PITPNM3: variants seen among roughly 807,000 people sequenced by gnomAD.
The protein encoded by PITPNM3 is PITPNM family member 3.
In PITPNM3, 26 loss-of-function variants were observed where a neutral mutation model predicts 102.0. The observed-to-expected ratio is 0.25, with a 90% CI of 0.19 to 0.35. The LOEUF (loss-of-function observed/expected upper bound fraction) is 0.35, where lower values mean the gene tolerates loss of function less well. PITPNM3 is among the 10% of genes least tolerant of loss of function. PITPNM3 has a pLI of 1.00. For synonymous variants in PITPNM3, 578 were observed against 558.6 expected, an observed-to-expected ratio of 1.03 and a Z score of -0.49; for missense variants, 1,083 against 1,346.1, an observed-to-expected ratio of 0.80 and a Z score of 3.06.
rs56855120 is a variant in PITPNM3, at chr17:6,482,040, GTCTCTCTC to G, written c.587+1469_587+1476del. Reference sequence around the variant, plus strand: ...TCTCTCTCTCTCTCTCTCTCTGTCTGTCTCTCTCTCTCTCTCTCTCTCTCTGTCTCTCT... The same window carrying G: ...TCTCTCTCTCTCTCTCTCTCTGTCTGTCTCTCTCTCTCTCTCTGTCTCTCT... On this transcript the variant is annotated intron_variant, in intron 6 of 19. Coordinates refer to ENST00000262483, the MANE Select transcript of PITPNM3 (RefSeq NM_031220.4). Among the ~76,000 whole-genome samples the G allele has an allele frequency of 4.0e-3, 219 of 55,160 alleles. 4 individuals are homozygous for G. In the East Asian group the frequency reaches 0.062, roughly 16 times the overall value. 36.2% of individuals were successfully genotyped at this position (55,160 alleles called of 152,430 possible). A position where few individuals can be genotyped will look rare whatever the true frequency, so the allele number is the denominator to read the frequency against.
rs1910621461 is a variant in PITPNM3 at position 6,556,471 on chromosome 17, C to A, written c.-65G>T. 4 of 1,093,168 alleles carry A rather than the reference C, an allele frequency of 3.7e-6. No homozygotes were observed. The highest frequency in any genetic ancestry group is 4.4e-6 in the Non-Finnish European group (4 of 899,138). The allele number at this position is 1,093,168 out of a possible 1,614,324, so 67.7% of individuals were successfully genotyped here. ...TCGCGCTTCCCGGGCCCGGCCCCGACCGCCTCCGGCCCCGAACGGACTCCG... is the reference window on the plus strand; with the variant it reads ...TCGCGCTTCCCGGGCCCGGCCCCGAACGCCTCCGGCCCCGAACGGACTCCG... On this transcript the variant is annotated 5_prime_UTR_variant, in exon 1 of 20. Coordinates refer to ENST00000262483, the MANE Select transcript of PITPNM3 (RefSeq NM_031220.4). The surrounding 1 kb of genome is among the most constrained non-coding windows in gnomAD (Gnocchi z 5.2).
Position 6,452,606 on chromosome 17 carries a change from G to A in PITPNM3, c.*2732C>T, listed in dbSNP as rs929747878. ...AGACAAAACTGAGCAAACCGCTAGTGTAGAAAGAGCATATGCATTACACAG... is the reference window on the plus strand; with the variant it reads ...AGACAAAACTGAGCAAACCGCTAGTATAGAAAGAGCATATGCATTACACAG... On this transcript the variant is annotated 3_prime_UTR_variant, in exon 20 of 20. Transcript: ENST00000262483. The A allele has an allele frequency of 6.6e-5, 10 of 152,220 alleles. No homozygotes were observed. Among genetic ancestry groups the A allele is most frequent in the African/African-American group, 2.2e-4 (9 of 41,430 alleles). 9.4% of individuals were successfully genotyped at this position (152,220 alleles called of 1,614,324 possible).
intron 2 of PITPNM3, among the ~76,000 whole-genome samples, chr17:6,533,855 C>T (rs1909271405): frequency 6.6e-6 from 1 of 152,314 alleles, no homozygotes; most frequent in Non-Finnish European, 1.5e-5. Context: ...GACTCGCTTG[C>T]TCCTGTATCC....
At chr17:6,462,550 G>C (rs1597361024) in intron 17 of PITPNM3, among the ~76,000 whole-genome samples, 1 of 152,180 alleles carries the variant, frequency 6.6e-6, no homozygotes, top group Non-Finnish European at 1.5e-5. Flanking sequence ...AGCCTTCCCT[G>C]CTTCCCAAGC....
At chr17:6,473,395 C>A in intron 10 of PITPNM3, among the ~76,000 whole-genome samples, 1 of 152,126 alleles carries the variant, frequency 6.6e-6, no homozygotes. Flanking sequence ...AGGGACTGGA[C>A]CGTCCAGCAT....
chr17:6,464,907 T>A lies in PITPNM3; in HGVS notation c.1891-136A>T, dbSNP rs1597363085. 1.9e-5 allele frequency: 16 copies of A among 860,650 alleles called. 1 individual carries two copies. The South Asian group carries it at 2.2e-4, about 12-fold the overall frequency. 53.3% of individuals were successfully genotyped at this position (860,650 alleles called of 1,614,324 possible). The stretch of plus-strand genomic sequence containing the variant: ...GTCTCTCTACTAACTTCTGCTAGAG[T>A]TTCAGAGATGTGTTCCCAGGGAACG... On this transcript the variant is annotated intron_variant, in intron 14 of 19. Coordinates refer to ENST00000262483, the MANE Select transcript of PITPNM3 (RefSeq NM_031220.4).
At chr17:6,462,636 G>C (rs1209923441) in intron 17 of PITPNM3, among the ~76,000 whole-genome samples, 2 of 152,170 alleles carry the variant, frequency 1.3e-5, no homozygotes, top group African/African-American at 4.8e-5. Context: ...ACAGAATCCT[G>C]GCTGCAAGAT....
Position 6,524,250 on chromosome 17 carries a change from G to A in PITPNM3, c.226+1106C>T, listed in dbSNP as rs1908699673. On this transcript the variant is annotated intron_variant, in intron 3 of 19. Coordinates refer to ENST00000262483, the MANE Select transcript of PITPNM3 (RefSeq NM_031220.4). The stretch of plus-strand genomic sequence containing the variant: ...ATGGCCTTGCCCACTCGGCAACTCT[G>A]GGCCAGAGCACGACTGCGAATGACA... 2.0e-5 allele frequency among the ~76,000 whole-genome samples: 3 copies of A among 152,198 alleles called. No homozygotes were observed. In the South Asian group the frequency reaches 6.2e-4, roughly 32 times the overall value.
rs1567693921 is a variant in PITPNM3, at chr17:6,538,082, C to T, written c.23G>A (p.Gly8Asp). 1.2e-6 allele frequency: 2 copies of T among 1,605,548 alleles called. No homozygotes were observed. Among genetic ancestry groups the T allele is most frequent in the Non-Finnish European group, 1.7e-6 (2 of 1,172,406 alleles). MAKAGRA[G>D]GPPPGGGAPW... ...GGCACCGCCGCCCGGGGGAGGACCA[C>T]CTGTTAAAGGGAACACATCTGTTAA... Residue 8 changes from glycine (G) to aspartate (D), a missense_variant and splice_region_variant, in exon 2 of 20, where the codon GGT (glycine) becomes GAT (aspartate). Coordinates refer to ENST00000262483, the MANE Select transcript of PITPNM3 (RefSeq NM_031220.4).
chr17:6,546,070 G>T lies in PITPNM3; in HGVS notation c.23-7988C>A, dbSNP rs572850783. On this transcript the variant is annotated intron_variant, in intron 1 of 19. Coordinates refer to ENST00000262483, the MANE Select transcript of PITPNM3 (RefSeq NM_031220.4). ...GACCAGACCAGTCCAGGGCCAGCCA[G>T]CCTATCCTCAGCCTTGAAGGGGGGC... 7.9e-5 allele frequency among the ~76,000 whole-genome samples: 12 copies of T among 152,372 alleles called. No homozygotes were observed. In the South Asian group the frequency reaches 1.4e-3, roughly 18 times the overall value.
rs1362645166 is a variant in PITPNM3 at position 6,488,630 on chromosome 17, G to A, written c.275-4338C>T. Among the ~76,000 whole-genome samples, 6 of 152,136 alleles carry A rather than the reference G, an allele frequency of 3.9e-5. No individual in the cohort carries two copies. In the South Asian group the frequency reaches 8.3e-4, roughly 21 times the overall value. On this transcript the variant is annotated intron_variant, in intron 4 of 19. Coordinates refer to ENST00000262483, the MANE Select transcript of PITPNM3 (RefSeq NM_031220.4). ...GGAAGCATCATCCACTGAGAAGCAC[G>A]TTGCTTCAAAGTACTCACAGGAACT... is the stretch of plus-strand genomic sequence containing the variant.
intron 1 of PITPNM3, among the ~76,000 whole-genome samples, chr17:6,547,276 C>T (rs1910076042): frequency 6.6e-6 from 1 of 152,160 alleles, no homozygotes; most frequent in African/African-American, 2.4e-5. Context: ...TTTTGAAGAC[C>T]TGCTGGTATG....
In PITPNM3 at chr17:6,472,600, A is replaced by G; in HGVS notation, c.1429+57T>C. 1 of 1,571,488 alleles carries G rather than the reference A, an allele frequency of 6.4e-7. No homozygotes were observed. The highest frequency in any genetic ancestry group is 8.6e-7 in the Non-Finnish European group (1 of 1,157,632). The stretch of plus-strand genomic sequence containing the variant: ...CTCACTGAGAGCTTGGAGGGGTTGA[A>G]TGGGCTGGGGCCCCACCTCCAGCTC... On this transcript the variant is annotated intron_variant, in intron 11 of 19. Transcript: ENST00000262483. This position sits in a 1 kb window ranked among gnomAD's most constrained non-coding sequence, Gnocchi z 4.1.
chr17:6,497,509 G>T (rs1456126976), intron 4 of PITPNM3, among the ~76,000 whole-genome samples: 2 of 152,214 alleles, frequency 1.3e-5, no homozygotes, highest in African/African-American at 4.8e-5. Flanking sequence ...AGTAGAGGAT[G>T]AAGATAAAGG....
chr17:6,511,734 A>G (rs1201831458), intron 3 of PITPNM3, among the ~76,000 whole-genome samples: 1 of 152,152 alleles, frequency 6.6e-6, no homozygotes, highest in East Asian at 1.9e-4. Flanking sequence ...CTGTAGTCCC[A>G]GCACTTAGGG....
chr17:6,504,289 C>T (rs2084455714), intron 3 of PITPNM3, among the ~76,000 whole-genome samples: 1 of 152,178 alleles, frequency 6.6e-6, no homozygotes, highest in Admixed American at 6.5e-5. Flanking sequence ...ACAGCCCACA[C>T]TCCAGGGCCT....
At chr17:6,471,071 C>T in intron 12 of PITPNM3, 90 bp downstream of exon 12, 1 of 1,484,188 alleles carries the variant, frequency 6.7e-7, no homozygotes, top group Admixed American at 1.9e-5. Flanking sequence ...AGGGCCTGCC[C>T]TCAGCAGCTC....
intron 4 of PITPNM3, among the ~76,000 whole-genome samples, chr17:6,492,844 T>C (rs1016355632): frequency 2.0e-5 from 3 of 149,822 alleles, no homozygotes; most frequent in African/African-American, 7.4e-5. Flanking sequence ...GCAATAAGAG[T>C]GAAACCCTAT....
chr17:6,483,007 C>T (rs949675446), intron 6 of PITPNM3, among the ~76,000 whole-genome samples: 6 of 151,200 alleles, frequency 4.0e-5, no homozygotes, highest in Non-Finnish European at 8.8e-5. Flanking sequence ...TGCAGTGGTG[C>T]AATCTCGGTT....
Sources: allele counts gnomAD v4.1 joint callset (sites outside exome capture counted in the v4.1 genomes callset), GRCh38; gene constraint gnomAD v4.1.1; non-coding constraint Gnocchi (gnomAD v3.1); transcripts MANE v1.5; gene names NCBI Gene and HGNC (gene_info 2026-07-23, HGNC 2026-07-21).